MVB12B: variants seen among roughly 807,000 people sequenced by gnomAD.
The protein encoded by MVB12B is ESCRT-I complex subunit MVB12B.
A neutral mutation model predicts 41.6 loss-of-function variants in MVB12B; 16 were observed. The observed-to-expected ratio is 0.38, with a 90% confidence interval of 0.26 to 0.58. The LOEUF (loss-of-function observed/expected upper bound fraction) is 0.58. Ranked by LOEUF, MVB12B falls within the 20% of genes least tolerant of loss-of-function variation. The pLI is 0.62. For missense variants in MVB12B, 274 were observed against 380.2 expected, an observed-to-expected ratio of 0.72 and a Z score of 2.32; for synonymous variants, 133 against 139.7, an observed-to-expected ratio of 0.95 and a Z score of 0.34.
intron 7 of MVB12B, among the ~76,000 whole-genome samples, chr9:126,434,843 T>C (rs1832427115): frequency 6.6e-6 from 1 of 152,200 alleles, no homozygotes; most frequent in South Asian, 2.1e-4. Context: ...GAGATCCATC[T>C]CTGGTCATCA....
chr9:126,445,123 A>G (rs1054515412), intron 7 of MVB12B, among the ~76,000 whole-genome samples: 2 of 152,374 alleles, frequency 1.3e-5, no homozygotes, highest in East Asian at 1.9e-4. Context: ...CATTGAAGTT[A>G]TAAGTCAATT....
At chr9:126,476,864 G>A (rs1339526964) in intron 7 of MVB12B, among the ~76,000 whole-genome samples, 8 of 123,968 alleles carry the variant, frequency 6.5e-5, no homozygotes, top group Middle Eastern at 7.2e-3. Flanking sequence ...GAGACAGAGC[G>A]AGACTCCATC....
At chr9:126,398,991 C>T (rs1223828331) in intron 6 of MVB12B, among the ~76,000 whole-genome samples, 1 of 152,244 alleles carries the variant, frequency 6.6e-6, no homozygotes, top group Non-Finnish European at 1.5e-5. Context: ...TCTAGCAGCA[C>T]TGCCTTCTCT....
intron 5 of MVB12B, among the ~76,000 whole-genome samples, chr9:126,394,390 A>G (rs1831046277): frequency 6.6e-6 from 1 of 152,266 alleles, no homozygotes; most frequent in South Asian, 2.1e-4. Context: ...GTACCTTGAT[A>G]AAACCAAAGG....
chr9:126,455,177 T>TTTTTATTTTA (rs565045371), intron 7 of MVB12B, among the ~76,000 whole-genome samples: 1 of 151,228 alleles, frequency 6.6e-6, no homozygotes, highest in Non-Finnish European at 1.5e-5. Flanking sequence ...TTTATTTTAT[T>TTTTTATTTTA]TTTTATTTTA....
At chr9:126,356,428 C>T (rs767167029) in intron 2 of MVB12B, among the ~76,000 whole-genome samples, 7 of 151,970 alleles carry the variant, frequency 4.6e-5, no homozygotes, top group African/African-American at 1.2e-4. Context: ...GTTTCTGTTG[C>T]GCATGGATTT....
At chr9:126,388,621 G>A (rs1167799954) in intron 4 of MVB12B, among the ~76,000 whole-genome samples, 4 of 152,180 alleles carry the variant, frequency 2.6e-5, no homozygotes, top group South Asian at 2.1e-4. Context: ...TGTTTCAAAG[G>A]AGCTGCACTG....
chr9:126,463,822 T>A (rs1002065350), intron 7 of MVB12B, among the ~76,000 whole-genome samples: 3 of 152,202 alleles, frequency 2.0e-5, no homozygotes, highest in African/African-American at 7.2e-5. Context: ...TATACCATTT[T>A]TTTTAACCTG....
intron 2 of MVB12B, among the ~76,000 whole-genome samples, chr9:126,372,837 T>C (rs1439850451): frequency 6.6e-6 from 1 of 152,194 alleles, no homozygotes; most frequent in Admixed American, 6.5e-5. Flanking sequence ...GGGGATTCTT[T>C]CAGCCAGGCC....
At chr9:126,466,357 C>T (rs1833197782) in intron 7 of MVB12B, among the ~76,000 whole-genome samples, 1 of 152,222 alleles carries the variant, frequency 6.6e-6, no homozygotes. Flanking sequence ...AACCTGGCCT[C>T]ACAAGCGTGT....
intron 6 of MVB12B, among the ~76,000 whole-genome samples, chr9:126,415,696 T>A (rs1233557097): frequency 6.6e-6 from 1 of 152,068 alleles, no homozygotes; most frequent in Non-Finnish European, 1.5e-5. Flanking sequence ...TCTTAGAGGA[T>A]TTTCCCTAAT....
intron 7 of MVB12B, among the ~76,000 whole-genome samples, chr9:126,443,171 A>G (rs771010202): frequency 1.3e-5 from 2 of 152,176 alleles, no homozygotes; most frequent in African/African-American, 4.8e-5. Flanking sequence ...AAGTAGCACT[A>G]CTTTCTGGGG....
chr9:126,428,073 G>C (rs1223506155), intron 7 of MVB12B, among the ~76,000 whole-genome samples: 1 of 151,916 alleles, frequency 6.6e-6, no homozygotes, highest in Non-Finnish European at 1.5e-5. Flanking sequence ...CAGGAAAGAT[G>C]TCGGTGTGGT....
intron 7 of MVB12B, among the ~76,000 whole-genome samples, chr9:126,438,603 A>C (rs1045388821): frequency 1.3e-5 from 2 of 152,098 alleles, no homozygotes; most frequent in Non-Finnish European, 1.5e-5. Context: ...GTGGGATATG[A>C]AGTACTCAGC....
At chr9:126,495,723 G>C (rs1350021279) in intron 9 of MVB12B, among the ~76,000 whole-genome samples, 1 of 152,092 alleles carries the variant, frequency 6.6e-6, no homozygotes, top group African/African-American at 2.4e-5. Flanking sequence ...GAGAATGAGG[G>C]TCTGGAATTG....
At position 126,416,802 on chromosome 9, in the gene MVB12B, A is replaced by AC. The variant is rs201496291; in HGVS notation, c.663-5047dup. 8.7e-4 allele frequency among the ~76,000 whole-genome samples: 132 copies of AC among 152,076 alleles called. 2 individuals are homozygous for AC. The highest frequency in any genetic ancestry group is 3.4e-3 in the Middle Eastern group (1 of 294). ...GATGAGGCCGGGTGATATATTGAGG[A>AC]CCCCCAGCCCAGGTCCTGGCAGGTG... is the stretch of plus-strand genomic sequence containing the variant. On this transcript the variant is annotated intron_variant, in intron 6 of 9. Coordinates refer to ENST00000361171, the MANE Select transcript of MVB12B (RefSeq NM_033446.3).
chr9:126,428,714 G>A lies in MVB12B; in HGVS notation c.757+6766G>A, dbSNP rs1332214440. Among the ~76,000 whole-genome samples, 3 of 152,242 alleles carry A rather than the reference G, an allele frequency of 2.0e-5. No individual in the cohort carries two copies. The South Asian group carries it at 6.2e-4, about 32-fold the overall frequency. On this transcript the variant is annotated intron_variant, in intron 7 of 9. Coordinates refer to ENST00000361171, the MANE Select transcript of MVB12B (RefSeq NM_033446.3). The stretch of plus-strand genomic sequence containing the variant: ...CCACAGAATTTGCATCCACATTCTG[G>A]GTGTGCCATGTGCCTGTGGTTCTCC...
intron 2 of MVB12B, among the ~76,000 whole-genome samples, chr9:126,361,212 G>A (rs1830019506): frequency 6.6e-6 from 1 of 151,498 alleles, no homozygotes; most frequent in Non-Finnish European, 1.5e-5. Context: ...TGGCTTACCA[G>A]TTCTATTTCT....
intron 1 of MVB12B, among the ~76,000 whole-genome samples, chr9:126,330,490 T>C (rs1481049678): frequency 1.3e-5 from 2 of 152,202 alleles, no homozygotes; most frequent in Non-Finnish European, 2.9e-5. Flanking sequence ...TCAGACTTTA[T>C]TGAGTCAGAA....
Sources: allele counts gnomAD v4.1 joint callset (sites outside exome capture counted in the v4.1 genomes callset), GRCh38; gene constraint gnomAD v4.1.1; transcripts MANE v1.5; gene names NCBI Gene and HGNC (gene_info 2026-07-23, HGNC 2026-07-21).